The following VRK2 variants were observed in gnomAD, a reference collection of about 807,000 sequenced individuals.
The protein encoded by VRK2 is VRK serine/threonine kinase 2.
In VRK2, 60 loss-of-function variants were observed where a neutral mutation model predicts 57.6. The observed-to-expected ratio is 1.04, with a 90% CI of 0.85 to 1.29. The LOEUF (loss-of-function observed/expected upper bound fraction) is 1.29, where lower values mean the gene tolerates loss of function less well. Among genes scored for constraint, VRK2 ranks in the 50% most tolerant of loss-of-function variants. The pLI is 0.00. For synonymous variants in VRK2, 231 were observed against 199.2 expected (o/e 1.16, Z -1.35); for missense variants, 705 against 588.1 (o/e 1.20, Z -2.06).
chr2:58,115,087 G>A (rs1289713282), intron 7 of VRK2, among the ~76,000 whole-genome samples: 1 of 152,178 alleles, frequency 6.6e-6, no homozygotes, highest in East Asian at 1.9e-4. Flanking sequence ...GAAATGAGAG[G>A]TTCTGAGAGG....
intron 2 of VRK2, among the ~76,000 whole-genome samples, chr2:58,074,054 G>A (rs1669736173): frequency 6.6e-6 from 1 of 152,118 alleles, no homozygotes; most frequent in Non-Finnish European, 1.5e-5. Flanking sequence ...CAATCAAGGT[G>A]ACATTCAGTA....
intron 5 of VRK2, among the ~76,000 whole-genome samples, chr2:58,087,537 A>G (rs762849713): frequency 6.6e-6 from 1 of 152,336 alleles, no homozygotes; most frequent in South Asian, 2.1e-4. Flanking sequence ...ATGCATGCAT[A>G]GATATAGAAT....
intron 1 of VRK2, among the ~76,000 whole-genome samples, chr2:57,986,778 T>C (rs1672608490): frequency 6.6e-6 from 1 of 152,016 alleles, no homozygotes; most frequent in East Asian, 1.9e-4. Context: ...TTTGTATTAT[T>C]AGTAGAGACA....
intron 2 of VRK2, among the ~76,000 whole-genome samples, chr2:58,081,857 C>CGCGTGT (rs1553398168): frequency 7.0e-6 from 1 of 142,122 alleles, no homozygotes; most frequent in African/African-American, 2.6e-5. Context: ...ATACCATGTC[C>CGCGTGT]GTGTGTGTGT....
intron 1 of VRK2, among the ~76,000 whole-genome samples, chr2:57,968,603 C>T (rs958369921): frequency 1.3e-5 from 2 of 151,994 alleles, no homozygotes; most frequent in East Asian, 1.9e-4. Flanking sequence ...TACGTGAATG[C>T]CATTTTAAGA....
chr2:58,107,516 C>A (rs377703990), intron 7 of VRK2, among the ~76,000 whole-genome samples: 1 of 152,110 alleles, frequency 6.6e-6, no homozygotes, highest in Non-Finnish European at 1.5e-5. Flanking sequence ...TTTCATCAGT[C>A]TCTCATTATG....
chr2:58,157,793 T>G (rs1345903290), intron 12 of VRK2, among the ~76,000 whole-genome samples: 1 of 152,208 alleles, frequency 6.6e-6, no homozygotes, highest in Admixed American at 6.5e-5. Context: ...CAGTTTACTT[T>G]CCATACAGTT....
At chr2:57,961,109 A>G (rs1221410383) in intron 1 of VRK2, among the ~76,000 whole-genome samples, 1 of 152,254 alleles carries the variant, frequency 6.6e-6, no homozygotes, top group African/African-American at 2.4e-5. Context: ...ACAAAAATAC[A>G]TATGTATTAA....
At chr2:58,097,257 A>ACCC (rs1673274068) in intron 7 of VRK2, among the ~76,000 whole-genome samples, 3 of 152,016 alleles carry the variant, frequency 2.0e-5, no homozygotes, top group Non-Finnish European at 4.4e-5. Flanking sequence ...AGTGGTGTTT[A>ACCC]AACGTCTACT....
chr2:58,148,522 C>T (rs977905280), intron 12 of VRK2, among the ~76,000 whole-genome samples: 4 of 151,608 alleles, frequency 2.6e-5, no homozygotes, highest in Non-Finnish European at 5.9e-5. Flanking sequence ...ATTTGAAGTT[C>T]AATTTATCAA....
intron 1 of VRK2, among the ~76,000 whole-genome samples, chr2:57,940,609 A>G (rs1055131492): frequency 2.0e-4 from 31 of 152,202 alleles, no homozygotes; most frequent in Admixed American, 9.8e-4. Flanking sequence ...CAAATAGGGA[A>G]AAAAAGGTCA....
intron 1 of VRK2, among the ~76,000 whole-genome samples, chr2:57,977,524 C>T (rs1672289031): frequency 6.9e-6 from 1 of 144,790 alleles, no homozygotes; most frequent in Non-Finnish European, 1.5e-5. Flanking sequence ...GCAGGTTGGA[C>T]ATTGTTGGTA....
At chr2:57,960,008 T>C (rs933877415) in intron 1 of VRK2, among the ~76,000 whole-genome samples, 1 of 136,548 alleles carries the variant, frequency 7.3e-6, no homozygotes, top group Non-Finnish European at 1.5e-5. Flanking sequence ...TGTGCATGGG[T>C]GTGTGTGTGT....
At chr2:57,933,411 C>T (rs1456216250) in intron 1 of VRK2, among the ~76,000 whole-genome samples, 65 of 139,782 alleles carry the variant, frequency 4.7e-4, no homozygotes, top group African/African-American at 1.5e-3. Flanking sequence ...CTCCCAGGTT[C>T]AAGCGATTCT....
intron 7 of VRK2, among the ~76,000 whole-genome samples, chr2:58,121,772 C>G (rs972793560): frequency 6.6e-6 from 1 of 152,098 alleles, no homozygotes; most frequent in African/African-American, 2.4e-5. Context: ...CTGCCTAAAT[C>G]CCTTAATTTT....
At chr2:58,047,308 C>T (rs1255512308) in intron 1 of VRK2, 1 of 547,350 alleles carries the variant, frequency 1.8e-6, no homozygotes, top group Non-Finnish European at 2.3e-6. Flanking sequence ...TCAGCCCAGG[C>T]ACATGTTAAC....
chr2:57,976,415 T>C (rs1672253511), intron 1 of VRK2, among the ~76,000 whole-genome samples: 1 of 152,068 alleles, frequency 6.6e-6, no homozygotes, highest in Non-Finnish European at 1.5e-5. Context: ...AACCTCGCAA[T>C]CATCTGAATG....
intron 3 of VRK2, chr2:58,041,117 CT>C (rs1674438564): frequency 2.1e-6 from 2 of 969,428 alleles, no homozygotes; most frequent in African/African-American, 3.5e-5. Context: ...TATAGTTAAC[CT>C]TTTATGGTGC....
At chr2:57,957,168 C>A (rs920813545) in intron 1 of VRK2, among the ~76,000 whole-genome samples, 1 of 152,076 alleles carries the variant, frequency 6.6e-6, no homozygotes, top group African/African-American at 2.4e-5. Context: ...TGAAGTAGAA[C>A]AAAAGCTATA....
Sources: gnomAD v4.1 joint callset for allele counts (sites outside exome capture counted in the v4.1 genomes callset) on GRCh38, gnomAD v4.1.1 for gene constraint, MANE v1.5 for transcripts, NCBI Gene and HGNC (gene_info 2026-07-23, HGNC 2026-07-21) for gene names.